Variants in PCDH15 observed in about 807,000 individuals in gnomAD.
The protein encoded by PCDH15 is protocadherin-15.
A neutral mutation model predicts 178.5 loss-of-function variants in PCDH15; 129 were observed. That is an observed-to-expected ratio of 0.72 (90% CI 0.63 to 0.84). PCDH15 has a LOEUF of 0.84. Ranked by LOEUF, PCDH15 falls within the 40% of genes least tolerant of loss-of-function variation. PCDH15 has a pLI of 0.00. For synonymous variants in PCDH15, 800 were observed against 732.0 expected, an observed-to-expected ratio of 1.09 and a Z score of -1.50; for missense variants, 2,230 against 2,099.9, an observed-to-expected ratio of 1.06 and a Z score of -1.21.
chr10:54,062,264 T>TAAAAAAAA (rs1590190592), intron 18 of PCDH15, among the ~76,000 whole-genome samples: 11 of 77,848 alleles, frequency 1.4e-4, no homozygotes, highest in African/African-American at 2.2e-4. Context: ...AAAAAACAAC[T>TAAAAAAAA]AAATGAAAAC....
intron 1 of PCDH15, among the ~76,000 whole-genome samples, chr10:55,214,897 T>G (rs562825619): frequency 1.3e-5 from 2 of 152,226 alleles, no homozygotes; most frequent in Admixed American, 1.3e-4. Context: ...CTAAATTCTA[T>G]AATCTGTTTT....
chr10:54,699,266 T>TA (rs751618768), intron 1 of PCDH15, among the ~76,000 whole-genome samples: 332 of 148,920 alleles, frequency 2.2e-3, no homozygotes, highest in East Asian at 6.5e-3. Context: ...AGGTTTTATG[T>TA]AAAAAAAAAA....
At chr10:54,283,047 T>C (rs879602563) in intron 8 of PCDH15, among the ~76,000 whole-genome samples, 3 of 152,112 alleles carry the variant, frequency 2.0e-5, no homozygotes, top group Admixed American at 6.6e-5. Context: ...AAAATTTAGA[T>C]ATTACGAGTT....
intron 1 of PCDH15, among the ~76,000 whole-genome samples, chr10:55,309,082 A>G (rs1471417108): frequency 6.6e-6 from 1 of 152,218 alleles, no homozygotes; most frequent in East Asian, 1.9e-4. Context: ...CAACTCAGAC[A>G]TATTTCACCT....
chr10:55,144,734 C>T (rs1028966960), intron 2 of PCDH15, among the ~76,000 whole-genome samples: 9 of 152,044 alleles, frequency 5.9e-5, no homozygotes, highest in African/African-American at 2.2e-4. Context: ...TTGTAATTGT[C>T]ACAAGTTTCA....
intron 8 of PCDH15, among the ~76,000 whole-genome samples, chr10:54,297,996 C>T (rs560721082): frequency 8.7e-4 from 132 of 152,230 alleles, no homozygotes; most frequent in Non-Finnish European, 1.5e-3. Flanking sequence ...GCAAGCCGTG[C>T]CCAGTATGGA....
intron 2 of PCDH15, among the ~76,000 whole-genome samples, chr10:54,946,393 C>T (rs1181634352): frequency 6.6e-6 from 1 of 151,806 alleles, no homozygotes; most frequent in African/African-American, 2.4e-5. Context: ...TGGGTTAACA[C>T]TGTCTCTTGG....
At chr10:55,079,778 G>A (rs554640995) in intron 2 of PCDH15, among the ~76,000 whole-genome samples, 146 of 152,260 alleles carry the variant, frequency 9.6e-4, no homozygotes, top group East Asian at 2.7e-3. Flanking sequence ...TATGGTGCGC[G>A]TGAGTGATCC....
At chr10:54,213,057 A>G (rs1362700670) in intron 10 of PCDH15, among the ~76,000 whole-genome samples, 1 of 152,086 alleles carries the variant, frequency 6.6e-6, no homozygotes, top group African/African-American at 2.4e-5. Context: ...GTATGTTTAC[A>G]TTTTTCAAAA....
intron 2 of PCDH15, among the ~76,000 whole-genome samples, chr10:54,983,422 T>G (rs1421959914): frequency 6.6e-6 from 1 of 152,144 alleles, no homozygotes; most frequent in African/African-American, 2.4e-5. Flanking sequence ...ACAGTAAATG[T>G]ATGCTGACAT....
At chr10:54,655,252 AAGAAAGAGAG>A (rs1235784163) in intron 2 of PCDH15, among the ~76,000 whole-genome samples, 645 of 46,164 alleles carry the variant, frequency 0.014, 4 homozygotes, top group East Asian at 0.079. Flanking sequence ...GAAAGAAAGA[AAGAAAGAGAG>A]AGAGAGAGAG....
At chr10:55,174,709 C>T (rs1408251668) in intron 1 of PCDH15, among the ~76,000 whole-genome samples, 1 of 152,156 alleles carries the variant, frequency 6.6e-6, no homozygotes, top group African/African-American at 2.4e-5. Flanking sequence ...TGGTCCTGTT[C>T]CTCCTGATCC....
intron 1 of PCDH15, among the ~76,000 whole-genome samples, chr10:54,724,103 A>G (rs1157085919): frequency 6.6e-6 from 1 of 151,750 alleles, no homozygotes; most frequent in Non-Finnish European, 1.5e-5. Context: ...GTTCAACACA[A>G]TACTACTCAT....
chr10:55,402,436 A>AT (rs1326533265), intron 2 of PCDH15, among the ~76,000 whole-genome samples: 2 of 151,964 alleles, frequency 1.3e-5, no homozygotes, highest in East Asian at 3.9e-4. Flanking sequence ...TGTAGTCACC[A>AT]TATTGTGCAA....
upstream of PCDH15, among the ~76,000 whole-genome samples, chr10:54,803,242 T>A (rs1952720638): frequency 6.6e-6 from 1 of 152,248 alleles, no homozygotes; most frequent in Non-Finnish European, 1.5e-5. Flanking sequence ...GAACATTCAC[T>A]TCTATAAACA....
At chr10:54,912,472 T>G (rs928089828) in intron 2 of PCDH15, among the ~76,000 whole-genome samples, 27 of 152,170 alleles carry the variant, frequency 1.8e-4, no homozygotes, top group African/African-American at 6.0e-4. Context: ...GGTGAAGATA[T>G]GCCTGCTTCC....
Position 54,782,521 on chromosome 10 carries a change from G to T in PCDH15, c.-29+18404C>A, listed in dbSNP as rs1485915994. 3.9e-5 allele frequency among the ~76,000 whole-genome samples: 6 copies of T among 152,014 alleles called. No homozygotes were observed. In the South Asian group the frequency reaches 1.2e-3, roughly 31 times the overall value. On this transcript the variant is annotated intron_variant, in intron 1 of 37. Coordinates refer to ENST00000644397, the MANE Select transcript of PCDH15 (RefSeq NM_001384140.1). ...TACCAAATCTGTTCTTTTTCTAATT[G>T]ATTACAGAAGAATCCATTAACTTTA...
At chr10:55,236,556 C>T (rs1841390992) in intron 1 of PCDH15, among the ~76,000 whole-genome samples, 1 of 151,714 alleles carries the variant, frequency 6.6e-6, no homozygotes, top group East Asian at 1.9e-4. Context: ...ATAGAAATGC[C>T]CATATTGCTA....
At chr10:54,422,773 T>G (rs1433895100) in intron 3 of PCDH15, among the ~76,000 whole-genome samples, 1 of 152,180 alleles carries the variant, frequency 6.6e-6, no homozygotes, top group Non-Finnish European at 1.5e-5. Flanking sequence ...CAACATAAGC[T>G]TAAGTTTCTA....
Sources: gnomAD v4.1 joint callset for allele counts (sites outside exome capture counted in the v4.1 genomes callset) on GRCh38, gnomAD v4.1.1 for gene constraint, MANE v1.5 for transcripts, NCBI Gene and HGNC (gene_info 2026-07-23, HGNC 2026-07-21) for gene names.